The following VPS37B variants were observed in gnomAD, a reference collection of about 807,000 sequenced individuals.
VPS37B encodes the protein VPS37B subunit of ESCRT-I, also known as vacuolar protein sorting-associated protein 37B.
In VPS37B, 11 loss-of-function variants were observed where a neutral mutation model predicts 21.2. The ratio of observed to expected loss-of-function variants is 0.52; its 90% confidence interval spans 0.33 to 0.86. The LOEUF (loss-of-function observed/expected upper bound fraction) is 0.86, where lower values mean the gene tolerates loss of function less well. Ranked by LOEUF, VPS37B falls within the 40% of genes least tolerant of loss-of-function variation. The pLI is 0.03. For missense variants in VPS37B, 389 were observed against 374.8 expected (o/e 1.04, Z -0.31); for synonymous variants, 175 against 159.6 (o/e 1.10, Z -0.73).
chr12:122,894,708 G>A (rs533273948), intron 1 of VPS37B, among the ~76,000 whole-genome samples: 2 of 152,192 alleles, frequency 1.3e-5, no homozygotes, highest in East Asian at 3.8e-4. Context: ...GTCCAAATGG[G>A]TTGAGAGAAA....
chr12:122,884,822 A>G (rs1375587197), intron 1 of VPS37B: 1 of 152,094 alleles, frequency 6.6e-6, no homozygotes, highest in Non-Finnish European at 1.5e-5. Context: ...TTTCCTTTTT[A>G]CAATTTCTGG....
chr12:122,872,387 C>T (rs993343151), intron 1 of VPS37B: 8 of 985,492 alleles, frequency 8.1e-6, no homozygotes, highest in Non-Finnish European at 9.6e-6. Flanking sequence ...TCAGGCTCTG[C>T]TGAAACCCAA....
At chr12:122,871,234 C>T (rs1167142664) in intron 1 of VPS37B, 173 bp from the exon 2 acceptor site, 2 of 1,370,300 alleles carry the variant, frequency 1.5e-6, no homozygotes, top group Non-Finnish European at 1.9e-6. Context: ...CCCTTGGTTT[C>T]TCATTTGGAG....
At chr12:122,882,823 C>T (rs564998625) in intron 1 of VPS37B, 1 of 152,354 alleles carries the variant, frequency 6.6e-6, no homozygotes, top group Admixed American at 6.5e-5. Context: ...TTTCACCAGT[C>T]TCCACCTGAA....
rs766904643 is a variant in VPS37B at position 122,896,053 on chromosome 12, C to T, written c.10G>A (p.Ala4Thr). The T allele has an allele frequency of 1.3e-5, 20 of 1,580,540 alleles. No individual in the cohort carries two copies. The highest frequency in any genetic ancestry group is 1.5e-5 in the Non-Finnish European group (18 of 1,169,488). Reference protein sequence around the residue: MAGAGSEARFAGLS... With the variant: MAGTGSEARFAGLS... Reference sequence around the variant, plus strand: ...CCGGCGAACCGGGCTTCGCTCCCGGCGCCCGCCATCCCCACGTCTCGGCCG... The same window carrying T: ...CCGGCGAACCGGGCTTCGCTCCCGGTGCCCGCCATCCCCACGTCTCGGCCG... Residue 4 changes from alanine to threonine, a missense_variant, in exon 1 of 4, where the codon GCC (alanine) becomes ACC (threonine). Transcript: ENST00000267202.
chr12:122,876,215 A>G (rs148937641), intron 1 of VPS37B: 1 of 152,208 alleles, frequency 6.6e-6, no homozygotes, highest in Non-Finnish European at 1.5e-5. Flanking sequence ...CCCGAGTGGT[A>G]TGATTTTTTT....
At chr12:122,888,711 C>A (rs1281272300) in intron 1 of VPS37B, 1 of 380,584 alleles carries the variant, frequency 2.6e-6, no homozygotes, top group Non-Finnish European at 5.5e-6. Context: ...GGTCATCCAA[C>A]TTGTTTCTCT....
At chr12:122,871,207 C>A (rs1029465864) in intron 1 of VPS37B, 146 bp from the exon 2 acceptor site, 13 of 1,417,172 alleles carry the variant, frequency 9.2e-6, no homozygotes, top group Non-Finnish European at 1.1e-5. Context: ...GCAGATGCTA[C>A]TGACCCAGAG....
chr12:122,883,485 C>A (rs2135708209), intron 1 of VPS37B: 1 of 152,190 alleles, frequency 6.6e-6, no homozygotes, highest in South Asian at 2.1e-4. Flanking sequence ...GACATATTTT[C>A]TTTTCTTTTT....
chr12:122,878,604 T>C (rs2034196621), intron 1 of VPS37B: 1 of 150,580 alleles, frequency 6.6e-6, no homozygotes. Flanking sequence ...TTTAATCATC[T>C]AGGTGGCCCT....
At chr12:122,891,561 A>G (rs1199906385) in intron 1 of VPS37B, among the ~76,000 whole-genome samples, 1 of 152,214 alleles carries the variant, frequency 6.6e-6, no homozygotes, top group Non-Finnish European at 1.5e-5. Context: ...TACTCATGTA[A>G]AAGGTCCATG....
intron 1 of VPS37B, chr12:122,888,263 C>T (rs980353050): frequency 1.4e-5 from 4 of 276,038 alleles, no homozygotes; most frequent in African/African-American, 4.4e-5. Flanking sequence ...CACACTGTAA[C>T]GTATTCTAGA....
chr12:122,867,311 G>A lies in VPS37B; in HGVS notation c.663C>T (p.Thr221=), dbSNP rs775268360. 1.3e-6 allele frequency: 2 copies of A among 1,586,488 alleles called. No individual in the cohort carries two copies. The highest frequency in any genetic ancestry group is 8.6e-7 in the Non-Finnish European group (1 of 1,166,976). The change falls in exon 4 of 4, where the codon ACC becomes ACT. Residue 221 remains threonine (T), a synonymous_variant. Coordinates refer to ENST00000267202, the MANE Select transcript of VPS37B (RefSeq NM_024667.3). This position sits in a 1 kb window ranked among gnomAD's most constrained non-coding sequence, Gnocchi z 5.5. ...PPPVPAGRLA[T]PFTAAMSSGQ... is the part of the protein sequence containing the mutation. ...CCGAACTCATGGCCGCAGTAAACGG[G>A]GTGGCTAAGCGTCCCGCAGGCACCG...
At chr12:122,875,179 C>T (rs912067622) in intron 1 of VPS37B, 2 of 149,292 alleles carry the variant, frequency 1.3e-5, no homozygotes, top group Admixed American at 6.7e-5. Flanking sequence ...CGTGCCTCAG[C>T]CTCTCAAGTA....
At chr12:122,872,843 A>G (rs1313443499) in intron 1 of VPS37B, 1 of 305,274 alleles carries the variant, frequency 3.3e-6, no homozygotes, top group Non-Finnish European at 4.8e-6. Context: ...TGAGAGCAAC[A>G]TTTATTTGTA....
intron 1 of VPS37B, among the ~76,000 whole-genome samples, 191 bp downstream of exon 1, chr12:122,895,761 C>A (rs2034482758): frequency 6.6e-6 from 1 of 151,358 alleles, no homozygotes; most frequent in South Asian, 2.1e-4. Context: ...CCCTCTCAGG[C>A]CCCCTATTCC....
At chr12:122,877,279 G>C (rs767675685) in intron 1 of VPS37B, 4 of 152,176 alleles carry the variant, frequency 2.6e-5, no homozygotes, top group Non-Finnish European at 5.9e-5. Flanking sequence ...TTTGGGCTGC[G>C]TTAGGATAAA....
Position 122,867,506 on chromosome 12 carries a change from G to A in VPS37B, c.468C>T (p.Ile156=), listed in dbSNP as rs767016393. 6 of 1,613,918 alleles carry A rather than the reference G, an allele frequency of 3.7e-6. No homozygotes were observed. Among genetic ancestry groups the A allele is most frequent in the South Asian group, 1.1e-5 (1 of 91,092 alleles). ...RKLAHMRRVK[I]EKLQEMVLKG... ...TTAGGACCATCTCCTGGAGCTTCTCGATTTTCACCCGTCGCATGTGGGCCA... is the reference window on the plus strand; with the variant it reads ...TTAGGACCATCTCCTGGAGCTTCTCAATTTTCACCCGTCGCATGTGGGCCA... The change falls in exon 4 of 4, where the codon ATC becomes ATT. Residue 156 remains isoleucine, a synonymous_variant. Coordinates refer to ENST00000267202, the MANE Select transcript of VPS37B (RefSeq NM_024667.3). This position sits in a 1 kb window ranked among gnomAD's most constrained non-coding sequence, Gnocchi z 5.5.
Position 122,868,864 on chromosome 12 carries a change from T to G in VPS37B, c.284-302A>C, listed in dbSNP as rs1236169522. Among the ~76,000 whole-genome samples the G allele has an allele frequency of 6.6e-6, 1 of 152,150 alleles. No homozygotes were observed. Among genetic ancestry groups the G allele is most frequent in the Non-Finnish European group, 1.5e-5 (1 of 68,020 alleles). On this transcript the variant is annotated intron_variant, in intron 2 of 3. Coordinates refer to ENST00000267202, the MANE Select transcript of VPS37B (RefSeq NM_024667.3). This position sits in a 1 kb window ranked among gnomAD's most constrained non-coding sequence, Gnocchi z 5.5. ...TGGTAACTTACATCGAGTATACACA[T>G]CTCAAGTGTGTAAGTCAAATTTCCA...
Sources: gnomAD v4.1 joint callset for allele counts (sites outside exome capture counted in the v4.1 genomes callset) on GRCh38, gnomAD v4.1.1 for gene constraint, Gnocchi (gnomAD v3.1) non-coding constraint, MANE v1.5 for transcripts, NCBI Gene and HGNC (gene_info 2026-07-23, HGNC 2026-07-21) for gene names.